C9orf85: variants seen among roughly 807,000 people sequenced by gnomAD.
C9orf85 encodes uncharacterized protein C9orf85.
In C9orf85, 16 loss-of-function variants were observed where a neutral mutation model predicts 14.9. That is an observed-to-expected ratio of 1.08 (90% CI 0.73 to 1.63). C9orf85 has a LOEUF of 1.63. C9orf85 is among the 40% of genes most tolerant of loss of function. The pLI, the probability that C9orf85 is intolerant of heterozygous loss-of-function variation, is 0.00. For synonymous variants in C9orf85, 45 were observed against 56.8 expected, an observed-to-expected ratio of 0.79 and a Z score of 0.93; for missense variants, 172 against 186.1, an observed-to-expected ratio of 0.92 and a Z score of 0.44.
chr9:71,953,993 GGGAGACTGAGGCA>G lies in C9orf85; in HGVS notation c.209+6894_209+6906del, dbSNP rs542756701. Among the ~76,000 whole-genome samples, 131 of 152,066 alleles carry G rather than the reference GGGAGACTGAGGCA, an allele frequency of 8.6e-4. 1 individual carries two copies. The highest frequency in any genetic ancestry group is 3.0e-3 in the African/African-American group (126 of 41,464). On this transcript the variant is annotated intron_variant, in intron 2 of 3. Coordinates refer to ENST00000334731, the MANE Select transcript of C9orf85 (RefSeq NM_182505.5). The stretch of plus-strand genomic sequence containing the variant: ...CGCGCACCTGTGGTCCTAGCTGCTC[GGGAGACTGAGGCA>G]GGAGACTGAGGCTGGAAGATCACTT...
At chr9:71,942,769 G>A (rs1821970123) in intron 1 of C9orf85, among the ~76,000 whole-genome samples, 1 of 152,066 alleles carries the variant, frequency 6.6e-6, no homozygotes, top group African/African-American at 2.4e-5. Context: ...TAGGCATGGT[G>A]GCGTGTGCCT....
chr9:71,962,948 C>G (rs913519287), intron 2 of C9orf85, among the ~76,000 whole-genome samples: 1 of 151,854 alleles, frequency 6.6e-6, no homozygotes, highest in Non-Finnish European at 1.5e-5. Context: ...CCCAGCTACT[C>G]GGGAGGCTGA....
chr9:71,923,628 A>G (rs1827866228), intron 1 of C9orf85, among the ~76,000 whole-genome samples: 1 of 151,960 alleles, frequency 6.6e-6, no homozygotes, highest in South Asian at 2.1e-4. Flanking sequence ...TTTTGCATAT[A>G]CCCCAGCTCC....
At chr9:71,967,168 GTTC>G (rs951242548) in intron 2 of C9orf85, among the ~76,000 whole-genome samples, 19 of 152,232 alleles carry the variant, frequency 1.2e-4, no homozygotes, top group African/African-American at 2.4e-4. Flanking sequence ...CTAGCTGAGG[GTTC>G]TTCTTCTAGA....
At chr9:71,916,195 G>A (rs527455864) in intron 1 of C9orf85, among the ~76,000 whole-genome samples, 7 of 152,172 alleles carry the variant, frequency 4.6e-5, no homozygotes, top group South Asian at 2.1e-4. Context: ...ATGTTTGGAG[G>A]GTTAAGGAAA....
chr9:71,970,244 G>T (rs1429921475), intron 2 of C9orf85, among the ~76,000 whole-genome samples: 1 of 152,056 alleles, frequency 6.6e-6, no homozygotes, highest in African/African-American at 2.4e-5. Context: ...CACGGCACCC[G>T]GCCAGTTTTT....
chr9:71,935,911 G>GA (rs1828177783), intron 1 of C9orf85, among the ~76,000 whole-genome samples: 3 of 94,828 alleles, frequency 3.2e-5, no homozygotes, highest in African/African-American at 1.1e-4. Flanking sequence ...GGGAGAAACA[G>GA]AAAAAAAATA....
At chr9:71,977,480 A>C (rs988317078), downstream of C9orf85, among the ~76,000 whole-genome samples, 6 of 152,244 alleles carry the variant, frequency 3.9e-5, no homozygotes. Flanking sequence ...CATGTATACA[A>C]GATTATATAT....
intron 3 of C9orf85, among the ~76,000 whole-genome samples, chr9:71,982,117 A>G (rs1053628093): frequency 9.2e-5 from 14 of 152,094 alleles, no homozygotes; most frequent in South Asian, 4.1e-4. Flanking sequence ...ATTGCCTTTT[A>G]TGAACCTTTC....
chr9:71,967,708 CCTTT>C (rs1200999240), intron 2 of C9orf85, among the ~76,000 whole-genome samples: 1 of 140,230 alleles, frequency 7.1e-6, no homozygotes, highest in Non-Finnish European at 1.5e-5. Context: ...ATCTCTATGA[CCTTT>C]CTTTTTTTTT....
chr9:71,959,786 T>C (rs1286246565), intron 2 of C9orf85, among the ~76,000 whole-genome samples: 1 of 152,200 alleles, frequency 6.6e-6, no homozygotes, highest in East Asian at 1.9e-4. Flanking sequence ...CGTGTTGTAT[T>C]AAGAACAAAA....
At chr9:71,927,811 T>C (rs1380893271) in intron 1 of C9orf85, among the ~76,000 whole-genome samples, 1 of 152,204 alleles carries the variant, frequency 6.6e-6, no homozygotes, top group Non-Finnish European at 1.5e-5. Context: ...TTATATAATA[T>C]AACATTAAAA....
intron 1 of C9orf85, among the ~76,000 whole-genome samples, chr9:71,933,811 A>G (rs1828126934): frequency 6.6e-6 from 1 of 152,184 alleles, no homozygotes; most frequent in Non-Finnish European, 1.5e-5. Context: ...TGTTTGTTCT[A>G]ATTTTCTTTT....
At chr9:71,922,802 G>T (rs1462629732) in intron 1 of C9orf85, among the ~76,000 whole-genome samples, 1 of 152,176 alleles carries the variant, frequency 6.6e-6, no homozygotes, top group African/African-American at 2.4e-5. Flanking sequence ...CCACAGACTT[G>T]CTCCTCACTG....
At chr9:71,945,240 G>T (rs1822054016) in intron 1 of C9orf85, among the ~76,000 whole-genome samples, 1 of 152,232 alleles carries the variant, frequency 6.6e-6, no homozygotes, top group Non-Finnish European at 1.5e-5. Context: ...GACAAATGAT[G>T]AATGTGAACT....
chr9:71,959,286 C>A (rs900421714), intron 2 of C9orf85, among the ~76,000 whole-genome samples: 12 of 151,732 alleles, frequency 7.9e-5, no homozygotes, highest in African/African-American at 1.2e-4. Context: ...TACAGGCACG[C>A]CCCACCATGC....
Position 71,957,443 on chromosome 9 carries a change from C to T in C9orf85, c.209+10331C>T, listed in dbSNP as rs775707073. On this transcript the variant is annotated intron_variant, in intron 2 of 3. Transcript: ENST00000334731. ...AAATATCATATTACTCAGTGAAAAACTGATTACTTACTGCTGCAAAGAACA... is the reference window on the plus strand; with the variant it reads ...AAATATCATATTACTCAGTGAAAAATTGATTACTTACTGCTGCAAAGAACA... Among the ~76,000 whole-genome samples the T allele has an allele frequency of 8.0e-4, 121 of 152,078 alleles. 1 individual carries two copies. Among genetic ancestry groups the T allele is most frequent in the Admixed American group, 3.1e-3 (48 of 15,254 alleles).
At chr9:71,936,353 C>T (rs898964813) in intron 1 of C9orf85, among the ~76,000 whole-genome samples, 1 of 151,988 alleles carries the variant, frequency 6.6e-6, no homozygotes, top group Non-Finnish European at 1.5e-5. Flanking sequence ...AGGGACTGAA[C>T]AGGGTTGAGA....
intron 2 of C9orf85, among the ~76,000 whole-genome samples, chr9:71,971,136 A>G (rs1287262970): frequency 2.0e-5 from 3 of 152,118 alleles, no homozygotes; most frequent in Admixed American, 2.0e-4. Flanking sequence ...GATGTTTTGT[A>G]ATTTTCAGTG....
Sources: allele counts gnomAD v4.1 joint callset (sites outside exome capture counted in the v4.1 genomes callset), GRCh38; gene constraint gnomAD v4.1.1; transcripts MANE v1.5; gene names NCBI Gene and HGNC (gene_info 2026-07-23, HGNC 2026-07-21).